The following ASTN2 variants were observed in gnomAD, a reference collection of about 807,000 sequenced individuals.
ASTN2 encodes the protein astrotactin 2.
A neutral mutation model predicts 139.8 loss-of-function variants in ASTN2; 54 were observed. That is an observed-to-expected ratio of 0.39 (90% CI 0.31 to 0.48). The LOEUF is 0.48. ASTN2 is among the 20% of genes least tolerant of loss of function. The pLI, the probability that ASTN2 is intolerant of heterozygous loss-of-function variation, is 0.95. For synonymous variants in ASTN2, 756 were observed against 719.5 expected, an observed-to-expected ratio of 1.05 and a Z score of -0.81; for missense variants, 1,565 against 1,725.1, an observed-to-expected ratio of 0.91 and a Z score of 1.64.
intron 19 of ASTN2, among the ~76,000 whole-genome samples, chr9:116,532,854 T>C (rs1245883866): frequency 6.6e-6 from 1 of 152,234 alleles, no homozygotes; most frequent in African/African-American, 2.4e-5. Context: ...GACTCTTTTT[T>C]GTTTCCACAT....
chr9:117,407,149 A>G (rs1831017787), intron 1 of ASTN2, among the ~76,000 whole-genome samples: 1 of 152,146 alleles, frequency 6.6e-6, no homozygotes. Context: ...AGCAAGAAGG[A>G]ATTTCCCCAG....
intron 16 of ASTN2, among the ~76,000 whole-genome samples, chr9:116,683,679 G>A (rs1159383107): frequency 6.6e-6 from 1 of 152,060 alleles, no homozygotes; most frequent in Non-Finnish European, 1.5e-5. Flanking sequence ...AGAGTTATTT[G>A]CAACTTTTAA....
At chr9:117,181,166 G>T in intron 3 of ASTN2, 1 of 708,992 alleles carries the variant, frequency 1.4e-6, no homozygotes, top group Non-Finnish European at 2.5e-6. Context: ...GGGCCCCCAT[G>T]AGGAAAGGAA....
At position 116,698,420 on chromosome 9, in the gene ASTN2, C is replaced by A. The variant is rs398124253; in HGVS notation, c.2806+27351G>T. Reference sequence around the variant, plus strand: ...GTCAAGTGGTAGAGGAGCAGAGTTACCTGCTTAACATTGCAGAGGTGCAGG... The same window carrying A: ...GTCAAGTGGTAGAGGAGCAGAGTTAACTGCTTAACATTGCAGAGGTGCAGG... On this transcript the variant is annotated intron_variant, in intron 16 of 22. Transcript: ENST00000313400. This position sits in a 1 kb window ranked among gnomAD's most constrained non-coding sequence, Gnocchi z 4.4. The A allele has an allele frequency of 1.2e-6, 2 of 1,614,122 alleles. No homozygotes were observed. The highest frequency in any genetic ancestry group is 3.3e-5 in the Admixed American group (2 of 60,020).
At chr9:116,882,347 G>A (rs1296855253) in intron 10 of ASTN2, among the ~76,000 whole-genome samples, 1 of 152,156 alleles carries the variant, frequency 6.6e-6, no homozygotes. Context: ...AAAGACTTCA[G>A]TCTTTTTGTA....
chr9:116,565,140 C>A (rs1193775827), intron 19 of ASTN2, among the ~76,000 whole-genome samples: 1 of 150,954 alleles, frequency 6.6e-6, no homozygotes, highest in Non-Finnish European at 1.5e-5. Flanking sequence ...TGTTTTCCAT[C>A]CCAACCTAGT....
chr9:116,544,133 G>A (rs1017547638), intron 19 of ASTN2, among the ~76,000 whole-genome samples: 3 of 152,134 alleles, frequency 2.0e-5, no homozygotes, highest in Non-Finnish European at 4.4e-5. Flanking sequence ...AACTCTCCAA[G>A]GGCACTTAGT....
chr9:116,813,995 C>A (rs559458349), intron 12 of ASTN2, among the ~76,000 whole-genome samples: 1 of 147,658 alleles, frequency 6.8e-6, no homozygotes, highest in East Asian at 2.0e-4. Flanking sequence ...GAGATTGTGC[C>A]ATTGCGCTCC....
At chr9:116,795,659 T>C (rs775026903) in intron 13 of ASTN2, among the ~76,000 whole-genome samples, 1 of 152,150 alleles carries the variant, frequency 6.6e-6, no homozygotes. Context: ...GTTGAGAGGA[T>C]AACCCTGGCT....
intron 1 of ASTN2, among the ~76,000 whole-genome samples, chr9:117,356,589 T>C (rs528913124): frequency 6.6e-6 from 1 of 152,360 alleles, no homozygotes; most frequent in East Asian, 1.9e-4. Flanking sequence ...ATATCTTTTC[T>C]GTTCAATCTG....
chr9:117,358,129 A>C (rs1440660144), intron 1 of ASTN2, among the ~76,000 whole-genome samples: 1 of 152,184 alleles, frequency 6.6e-6, no homozygotes, highest in Non-Finnish European at 1.5e-5. Flanking sequence ...GCGTTTAAGA[A>C]GCCTTCTAGT....
intron 11 of ASTN2, among the ~76,000 whole-genome samples, chr9:116,842,756 GGCAT>G (rs1226800088): frequency 7.1e-6 from 1 of 141,474 alleles, no homozygotes; most frequent in Non-Finnish European, 1.6e-5. Context: ...GCGGGGGGAG[GGCAT>G]GCAAAAAGGA....
chr9:117,004,220 A>G (rs940837020), intron 7 of ASTN2, among the ~76,000 whole-genome samples: 4 of 152,058 alleles, frequency 2.6e-5, no homozygotes, highest in Non-Finnish European at 4.4e-5. Context: ...CCAGGACTCA[A>G]GCAACCCTCC....
chr9:116,519,653 G>A (rs555954323), intron 19 of ASTN2, among the ~76,000 whole-genome samples: 56 of 151,822 alleles, frequency 3.7e-4, no homozygotes, highest in African/African-American at 1.3e-3. Flanking sequence ...AAGAAATAAC[G>A]AATATCAGAG....
intron 13 of ASTN2, among the ~76,000 whole-genome samples, chr9:116,742,766 T>C (rs2132140248): frequency 8.3e-6 from 1 of 119,984 alleles, no homozygotes; most frequent in African/African-American, 3.3e-5. Context: ...TGTGCAATTG[T>C]TATATGTCAA....
chr9:117,024,869 GCA>G (rs748019065), intron 6 of ASTN2, among the ~76,000 whole-genome samples: 1 of 148,960 alleles, frequency 6.7e-6, no homozygotes, highest in Non-Finnish European at 1.5e-5. Context: ...TGAATTATGG[GCA>G]GTTTCCCCCA....
At chr9:117,003,449 C>T (rs1212747239) in intron 7 of ASTN2, among the ~76,000 whole-genome samples, 1 of 151,624 alleles carries the variant, frequency 6.6e-6, no homozygotes, top group Non-Finnish European at 1.5e-5. Flanking sequence ...CCCCTGTCTT[C>T]TCTGGGCGGC....
Position 116,699,011 on chromosome 9 carries a change from G to A in ASTN2, c.2806+26760C>T, listed in dbSNP as rs1335843396. The stretch of plus-strand genomic sequence containing the variant: ...ATAGCTTTGTGCTAAGCTTCCTTGG[G>A]GCAGATCTACCCAACCTCACTCCTC... On this transcript the variant is annotated intron_variant, in intron 16 of 22. Transcript: ENST00000313400. This position sits in a 1 kb window ranked among gnomAD's most constrained non-coding sequence, Gnocchi z 4.2. The A allele has an allele frequency of 2.5e-6, 4 of 1,613,766 alleles. No homozygotes were observed. Among genetic ancestry groups the A allele is most frequent in the African/African-American group, 2.7e-5 (2 of 74,810 alleles).
At chr9:116,540,168 T>A (rs1851818126) in intron 19 of ASTN2, among the ~76,000 whole-genome samples, 1 of 152,208 alleles carries the variant, frequency 6.6e-6, no homozygotes, top group East Asian at 1.9e-4. Flanking sequence ...GTCTCTATAT[T>A]GGGTCTATTT....
Sources: gnomAD v4.1 joint callset for allele counts (sites outside exome capture counted in the v4.1 genomes callset) on GRCh38, gnomAD v4.1.1 for gene constraint, Gnocchi (gnomAD v3.1) non-coding constraint, MANE v1.5 for transcripts, NCBI Gene and HGNC (gene_info 2026-07-23, HGNC 2026-07-21) for gene names.